Variants in COL2A1 observed in about 807,000 individuals in gnomAD.
The protein encoded by COL2A1 is collagen type II alpha 1 chain, also known as collagen alpha-1(II) chain.
COL2A1 carries 28 observed loss-of-function variants against 204.5 expected under a neutral mutation model. The ratio of observed to expected loss-of-function variants is 0.14; its 90% CI spans 0.10 to 0.19. COL2A1 has a LOEUF of 0.19. Ranked by LOEUF, COL2A1 falls within the 10% of genes least tolerant of loss-of-function variation. The probability of loss-of-function intolerance (pLI) is 1.00; values close to 1 mark genes in which losing one functional copy is unlikely to be tolerated. For missense variants in COL2A1, 1,388 were observed against 2,027.5 expected (o/e 0.68, Z 6.06); for synonymous variants, 708 against 718.7 (o/e 0.99, Z 0.24).
Position 47,976,398 on chromosome 12 carries a change from G to A in COL2A1, c.3489+116C>T. ...GAGCCAGTCCTGCCCCCATTACTGA[G>A]TGAGGACCCCTGAGCCCACAGCTTC... is the stretch of plus-strand genomic sequence containing the variant. On this transcript the variant is annotated intron_variant, in intron 49 of 53. Coordinates refer to ENST00000380518, the MANE Select transcript of COL2A1 (RefSeq NM_001844.5). The surrounding 1 kb of genome is among the most constrained non-coding windows in gnomAD (Gnocchi z 4.3). 8.4e-7 allele frequency: 1 copy of A among 1,197,186 alleles called. No homozygotes were observed. Among genetic ancestry groups the A allele is most frequent in the Non-Finnish European group, 1.2e-6 (1 of 807,204 alleles). The allele number at this position is 1,197,186 out of a possible 1,614,324, so 74.2% of individuals were successfully genotyped here.
upstream of COL2A1, chr12:48,004,531 C>G (rs531053868): frequency 2.0e-6 from 1 of 493,452 alleles, no homozygotes. Context: ...TCGAGGCTGG[C>G]GAACTCGCCC....
rs374156023 is a variant in COL2A1 at position 47,976,066 on chromosome 12, G to A, written c.3494C>T (p.Pro1165Leu). Residue 1165 changes from proline to leucine, a missense_variant, in exon 50 of 54, where the codon CCT (proline) becomes CTT (leucine). Pro to Leu is a moderately conservative substitution (Grantham distance 98). Around this residue, in one of 3 missense-constraint regions of COL2A1, gnomAD observed 884 missense variants for 1,415.8 expected, o/e 0.62. Transcript: ENST00000380518. The surrounding 1 kb of genome is among the most constrained non-coding windows in gnomAD (Gnocchi z 4.3). ...GCCAGAGGGACCGACGGGGCCAGGA[G>A]GACCCTGCAAGAGAGAGAGGTCGTG... is the stretch of plus-strand genomic sequence containing the variant. ...GPAGPSGPRG[P>L]PGPVGPSGKD... 38 of 1,611,930 alleles carry A rather than the reference G, an allele frequency of 2.4e-5. No homozygotes were observed. The highest frequency in any genetic ancestry group is 3.1e-5 in the Non-Finnish European group (36 of 1,178,062).
chr12:47,991,720 T>C (rs1939717605), intron 16 of COL2A1, among the ~76,000 whole-genome samples: 1 of 152,160 alleles, frequency 6.6e-6, no homozygotes, highest in African/African-American at 2.4e-5. Flanking sequence ...GGACAGGAGA[T>C]GGAGCTTGTC....
intron 28 of COL2A1, 146 bp downstream of exon 28, chr12:47,984,400 G>C: frequency 1.1e-6 from 1 of 893,320 alleles, no homozygotes; most frequent in African/African-American, 1.6e-5. Flanking sequence ...ACACCCAAAG[G>C]GCCCAGCCAG....
At position 48,004,234 on chromosome 12, in the gene COL2A1, T is replaced by TA; in HGVS notation, c.85+2dup. The TA allele has an allele frequency of 6.5e-7, 1 of 1,545,920 alleles. No individual in the cohort carries two copies. Reference sequence around the variant, plus strand: ...AGGCAGGCAGGGGCGGGGGAAGACTTACGGACATCCTGGCCCTGACACCGA... The same window carrying TA: ...AGGCAGGCAGGGGCGGGGGAAGACTTAACGGACATCCTGGCCCTGACACCGA... On this transcript the variant is annotated splice_region_variant and intron_variant, in intron 1 of 53. Transcript: ENST00000380518.
chr12:47,997,577 C>T (rs767476952), intron 7 of COL2A1, 29 bp downstream of exon 7: 59 of 1,613,690 alleles, frequency 3.7e-5, no homozygotes, highest in Non-Finnish European at 4.5e-5. Context: ...GAGGGACAGC[C>T]TGAAGGAATG....
At chr12:47,975,002 G>T in intron 51 of COL2A1, 140 bp from the exon 52 acceptor site, 2 of 876,994 alleles carry the variant, frequency 2.3e-6, no homozygotes, top group Non-Finnish European at 3.5e-6. Context: ...GAAAGGAGGG[G>T]GACCTGGGAG....
intron 35 of COL2A1, 134 bp from the exon 36 acceptor site, chr12:47,981,963 C>T: frequency 7.7e-7 from 1 of 1,291,434 alleles, no homozygotes; most frequent in Non-Finnish European, 1.1e-6. Flanking sequence ...CCCATTTTAA[C>T]AGAGAAGTCC....
At position 47,985,049 on chromosome 12, in the gene COL2A1, C is replaced by T; in HGVS notation, c.1779G>A (p.Gln593=). The T allele has an allele frequency of 6.2e-7, 1 of 1,614,000 alleles. No homozygotes were observed. Among genetic ancestry groups the T allele is most frequent in the Non-Finnish European group, 8.5e-7 (1 of 1,180,002 alleles). ...EDGRPGPPGP[Q]GARGQPGVMG... ...TGACACCAGGCTGCCCACGAGCCCC[C>T]TGAGGACCTGGAGGTCCAGGACGAC... is the stretch of plus-strand genomic sequence containing the variant. Residue 593 remains glutamine (Q), a synonymous_variant, in exon 27 of 54, where the codon CAG becomes CAA. Transcript: ENST00000380518.
rs777669076 is a variant in COL2A1 at position 47,998,054 on chromosome 12, G to A, written c.353C>T (p.Pro118Leu). ...EPGDIKDIVG[P>L]KGPPGPQGPA... is the part of the protein sequence containing the mutation. ...TACCTGAGGCCCAGGAGGTCCTTTGGGTCCTACAATCTGTGAGAGAGAGCC... is the reference window on the plus strand; with the variant it reads ...TACCTGAGGCCCAGGAGGTCCTTTGAGTCCTACAATCTGTGAGAGAGAGCC... Residue 118 changes from proline to leucine, a missense_variant, in exon 5 of 54, where the codon CCC (proline) becomes CTC (leucine). Pro to Leu is a moderately conservative substitution (Grantham distance 98, BLOSUM62 -3). Transcript: ENST00000380518. 8.7e-6 allele frequency: 14 copies of A among 1,614,170 alleles called. No individual in the cohort carries two copies. The South Asian group carries it at 1.4e-4, about 16-fold the overall frequency.
At chr12:48,004,499 C>A (rs544745332), upstream of COL2A1, 43 of 539,420 alleles carry the variant, frequency 8.0e-5, no homozygotes, top group African/African-American at 7.9e-4. Flanking sequence ...CCGCGGCGCC[C>A]GTTATATGCG....
At chr12:47,985,395 C>T (rs1181440837) in intron 26 of COL2A1, 139 bp downstream of exon 26, 5 of 920,440 alleles carry the variant, frequency 5.4e-6, no homozygotes, top group Non-Finnish European at 8.8e-6. Flanking sequence ...GGCCCCAGTG[C>T]CTACCATCTA....
intron 12 of COL2A1, 54 bp from the exon 13 acceptor site, chr12:47,994,101 C>T: frequency 1.9e-6 from 3 of 1,600,152 alleles, no homozygotes; most frequent in Middle Eastern, 1.7e-4. Flanking sequence ...CAGTGGAAAG[C>T]TGCCCTGGGC....
rs759486835 is a variant in COL2A1 at position 47,987,221 on chromosome 12, G to T, written c.1267-45C>A. On this transcript the variant is annotated intron_variant, in intron 20 of 53. Transcript: ENST00000380518. This position sits in a 1 kb window ranked among gnomAD's most constrained non-coding sequence, Gnocchi z 4.1. ...GGAGGGGTGTCAGGAGAGGGGAGAG[G>T]CAGGACTGGGCTCTCCTGGGGTAGC... The T allele has an allele frequency of 5.3e-5, 86 of 1,610,324 alleles. No individual in the cohort carries two copies. The highest frequency in any genetic ancestry group is 6.9e-5 in the Non-Finnish European group (81 of 1,176,672).
In COL2A1 at chr12:47,978,509, C is replaced by A; in HGVS notation, c.2895+88G>T. Reference sequence around the variant, plus strand: ...CTCCCTGGCATCCCCACGGCCCCTGCTCCCTCCTACCCCATGCTCTGTGAG... The same window carrying A: ...CTCCCTGGCATCCCCACGGCCCCTGATCCCTCCTACCCCATGCTCTGTGAG... On this transcript the variant is annotated intron_variant, in intron 42 of 53. Transcript: ENST00000380518. The surrounding 1 kb of genome is among the most constrained non-coding windows in gnomAD (Gnocchi z 5.5). 6.3e-7 allele frequency: 1 copy of A among 1,585,684 alleles called. No individual in the cohort carries two copies. The highest frequency in any genetic ancestry group is 8.6e-7 in the Non-Finnish European group (1 of 1,162,166).
At position 47,985,002 on chromosome 12, in the gene COL2A1, C is replaced by G. The variant is rs140580674; in HGVS notation, c.1826G>C (p.Gly609Ala). ...PGVMGFPGPK[G>A]ANGEPGKAGE... ...GAGCAAATTATTACTTACGTTGGCA[C>G]CTTTGGGGCCAGGGAAACCCATGAC... Residue 609 changes from glycine to alanine, a missense_variant, in exon 27 of 54, where the codon GGT becomes GCT. Coordinates refer to ENST00000380518, the MANE Select transcript of COL2A1 (RefSeq NM_001844.5). 6.2e-7 allele frequency: 1 copy of G among 1,613,722 alleles called. No homozygotes were observed. Among genetic ancestry groups the G allele is most frequent in the African/African-American group, 1.3e-5 (1 of 74,910 alleles).
rs1199484353 is a variant in COL2A1 at position 47,981,406 on chromosome 12, G to A, written c.2410-10C>T. On this transcript the variant is annotated splice_polypyrimidine_tract_variant and intron_variant, in intron 36 of 53. Coordinates refer to ENST00000380518, the MANE Select transcript of COL2A1 (RefSeq NM_001844.5). ...GAGGTCCAACTTCTCCCTGAGGGTG[G>A]GGAAGGGAGGAAGAGCTGGGGTAAG... 1 of 1,608,934 alleles carries A rather than the reference G, an allele frequency of 6.2e-7. No homozygotes were observed. The highest frequency in any genetic ancestry group is 1.3e-5 in the African/African-American group (1 of 75,018).
Position 47,978,567 on chromosome 12 carries a change from A to G in COL2A1, c.2895+30T>C. 3 of 1,613,160 alleles carry G rather than the reference A, an allele frequency of 1.9e-6. No individual in the cohort carries two copies. The highest frequency in any genetic ancestry group is 2.5e-6 in the Non-Finnish European group (3 of 1,179,762). ...GCCACTCACGACCCTGCTCCCAGGG[A>G]CCTTGGCATGGGCCTGGTGAGGGAC... is the stretch of plus-strand genomic sequence containing the variant. On this transcript the variant is annotated intron_variant, in intron 42 of 53. Transcript: ENST00000380518. This position sits in a 1 kb window ranked among gnomAD's most constrained non-coding sequence, Gnocchi z 5.5.
chr12:47,994,328 C>T, intron 12 of COL2A1, 96 bp downstream of exon 12: 3 of 1,359,854 alleles, frequency 2.2e-6, no homozygotes, highest in South Asian at 1.2e-5. Flanking sequence ...CGTTTCATCT[C>T]AGAAGTGACC....
Sources: gnomAD v4.1 joint callset for allele counts (sites outside exome capture counted in the v4.1 genomes callset) on GRCh38, gnomAD v4.1.1 for gene constraint, gnomAD v4.1.1 regional missense constraint, Gnocchi (gnomAD v3.1) non-coding constraint, MANE v1.5 for transcripts, NCBI Gene and HGNC (gene_info 2026-07-23, HGNC 2026-07-21) for gene names.